The following SF1 variants were observed in gnomAD, a reference collection of about 807,000 sequenced individuals.
SF1 encodes branch point-binding protein.
In SF1, 7 loss-of-function variants were observed where a neutral mutation model predicts 62.5. The observed-to-expected ratio is 0.11, with a 90% CI of 0.06 to 0.21. SF1 has a LOEUF of 0.21. Ranked by LOEUF, SF1 falls within the 10% of genes least tolerant of loss-of-function variation. The pLI is 1.00. For synonymous variants in SF1, 394 were observed against 323.6 expected (o/e 1.22, Z -2.33); for missense variants, 578 against 884.0 (o/e 0.65, Z 4.39).
chr11:64,766,370 G>A, intron 12 of SF1: 1 of 587,394 alleles, frequency 1.7e-6, no homozygotes, highest in Non-Finnish European at 3.0e-6. Flanking sequence ...AACAGAGTAA[G>A]CCCTTTGTCA....
intron 3 of SF1, chr11:64,772,189 T>C (rs1455296418): frequency 2.0e-6 from 2 of 985,136 alleles, no homozygotes; most frequent in Non-Finnish European, 1.2e-6. Context: ...ATCCCAGTTA[T>C]CCAGGAAGCA....
rs757599355 is a variant in SF1, at chr11:64,767,232, C to T, written c.1362G>A (p.Thr454=). The change falls in exon 11 of 13, where the codon ACG becomes ACA. Residue 454 remains threonine (T), a synonymous_variant. Coordinates refer to ENST00000377390, the MANE Select transcript of SF1 (RefSeq NM_004630.4). ...PPPMDQYLGS[T]PVGSGVYRLH... is the part of the protein sequence containing the mutation. ...GGCGATAGACCCCAGAGCCCACAGG[C>T]GTACTTCCCAGGTACTGATCTTGAT... 5.0e-6 allele frequency: 8 copies of T among 1,613,946 alleles called. No individual in the cohort carries two copies. Among genetic ancestry groups the T allele is most frequent in the Non-Finnish European group, 5.1e-6 (6 of 1,179,962 alleles).
intron 9 of SF1, 97 bp downstream of exon 9, chr11:64,768,008 TC>T: frequency 6.9e-7 from 1 of 1,457,774 alleles, no homozygotes. Flanking sequence ...GCCATCCACA[TC>T]CATTGTCTGC....
intron 3 of SF1, chr11:64,771,671 T>C: frequency 2.0e-6 from 2 of 985,268 alleles, no homozygotes; most frequent in Non-Finnish European, 1.2e-6. Flanking sequence ...CCATTAAGAG[T>C]GAACAAAAGC....
intron 3 of SF1, chr11:64,771,440 T>C: frequency 2.0e-6 from 2 of 984,858 alleles, no homozygotes; most frequent in Non-Finnish European, 2.4e-6. Flanking sequence ...AAAAACATAC[T>C]GAAAGTAATC....
intron 12 of SF1, chr11:64,766,628 C>T (rs948724952): frequency 2.3e-5 from 10 of 430,770 alleles, no homozygotes; most frequent in African/African-American, 1.2e-4. Flanking sequence ...ACTCAGCCTG[C>T]GAGGGTCTGG....
At chr11:64,777,314 G>A (rs1939449717) in intron 1 of SF1, among the ~76,000 whole-genome samples, 2 of 152,086 alleles carry the variant, frequency 1.3e-5, no homozygotes, top group African/African-American at 2.4e-5. Flanking sequence ...CCACAAAAGA[G>A]TCCTTCTATT....
chr11:64,774,256 G>C lies in SF1; in HGVS notation c.161-751C>G, dbSNP rs146291190. On this transcript the variant is annotated intron_variant, in intron 2 of 12. Transcript: ENST00000377390. The stretch of plus-strand genomic sequence containing the variant: ...AGGCTCACTGTTCATATGGGGAGCA[G>C]GCGTGTAGAAGAATGGAATGTGTGT... Among the ~76,000 whole-genome samples, 349 of 152,340 alleles carry C rather than the reference G, an allele frequency of 2.3e-3. 1 individual carries two copies. The highest frequency in any genetic ancestry group is 3.9e-3 in the Non-Finnish European group (268 of 68,028).
rs773965992 is a variant in SF1, at chr11:64,770,071, G to A, written c.390-18C>T. On this transcript the variant is annotated intron_variant, in intron 4 of 12. Transcript: ENST00000377390. ...CTGGAGGTCTAAGAAAGAAAAGCCT[G>A]TGTCACCGCACATTTCTGGAGAATG... 2 of 1,602,950 alleles carry A rather than the reference G, an allele frequency of 1.2e-6. No individual in the cohort carries two copies. Among genetic ancestry groups the A allele is most frequent in the African/African-American group, 2.7e-5 (2 of 74,630 alleles).
Position 64,778,534 on chromosome 11 carries a change from G to A in SF1, c.-142C>T, listed in dbSNP as rs891857745. On this transcript the variant is annotated 5_prime_UTR_variant, in exon 1 of 13. Transcript: ENST00000377390. ...CTCACGCGGCGGGCGGCGGCGGCGCGAGACGCACAAAGAGGGAGGAGAGAG... is the reference window on the plus strand; with the variant it reads ...CTCACGCGGCGGGCGGCGGCGGCGCAAGACGCACAAAGAGGGAGGAGAGAG... The A allele has an allele frequency of 2.5e-6, 3 of 1,197,462 alleles. No individual in the cohort carries two copies. The highest frequency in any genetic ancestry group is 3.2e-5 in the African/African-American group (2 of 62,972). The allele number at this position is 1,197,462 out of a possible 1,614,324, so 74.2% of individuals were successfully genotyped here. A position where few individuals can be genotyped will look rare whatever the true frequency, so the allele number is the denominator to read the frequency against.
chr11:64,773,069 A>T, intron 3 of SF1: 1 of 1,123,292 alleles, frequency 8.9e-7, no homozygotes, highest in Non-Finnish European at 1.1e-6. Context: ...TGTACCTGTG[A>T]GAAAAACTCT....
intron 10 of SF1, 90 bp from the exon 11 acceptor site, chr11:64,767,341 G>C: frequency 2.3e-6 from 3 of 1,325,000 alleles, no homozygotes; most frequent in Admixed American, 1.7e-5. Context: ...CTATCCTTAC[G>C]CGAGTTCTGA....
At chr11:64,770,462 C>T (rs942415388) in intron 3 of SF1, 54 bp from the exon 4 acceptor site, 14 of 1,584,958 alleles carry the variant, frequency 8.8e-6, no homozygotes, top group Non-Finnish European at 1.0e-5. Context: ...CTCATTCCCA[C>T]ACGGACTATA....
chr11:64,778,542 C>T lies in SF1; in HGVS notation c.-150G>A, dbSNP rs1266661497. The T allele has an allele frequency of 5.1e-6, 6 of 1,181,842 alleles. No homozygotes were observed. Among genetic ancestry groups the T allele is most frequent in the Non-Finnish European group, 6.3e-6 (6 of 955,622 alleles). The allele number at this position is 1,181,842 out of a possible 1,614,324, so 73.2% of individuals were successfully genotyped here. ...GCGGGCGGCGGCGGCGCGAGACGCA[C>T]AAAGAGGGAGGAGAGAGGGCACCGC... On this transcript the variant is annotated 5_prime_UTR_variant, in exon 1 of 13. It adds an upstream start codon to the 5' untranslated region. Transcript: ENST00000377390.
intron 2 of SF1, 55 bp from the exon 3 acceptor site, chr11:64,773,560 C>A (rs1427305825): frequency 2.4e-5 from 38 of 1,562,020 alleles, no homozygotes; most frequent in Non-Finnish European, 3.2e-5. Flanking sequence ...GACAATGTTA[C>A]CAATAAACAT....
chr11:64,773,766 G>A (rs1490256143), intron 2 of SF1, among the ~76,000 whole-genome samples: 1 of 152,144 alleles, frequency 6.6e-6, no homozygotes, highest in African/African-American at 2.4e-5. Flanking sequence ...AATAAAGACT[G>A]TTCACTAAGG....
chr11:64,765,231 A>C lies in SF1; in HGVS notation c.*587T>G. The C allele has an allele frequency of 2.2e-6, 1 of 456,792 alleles. No homozygotes were observed. The highest frequency in any genetic ancestry group is 3.9e-6 in the Non-Finnish European group (1 of 254,462). The allele number at this position is 456,792 out of a possible 1,614,324, so 28.3% of individuals were successfully genotyped here. ...GGGAAGGAGAACTGGAGAGAAGGGA[A>C]AGGAATCTAAATTGCAGCAGAAGAC... On this transcript the variant is annotated 3_prime_UTR_variant, in exon 13 of 13. Transcript: ENST00000377390.
chr11:64,777,412 A>C, intron 1 of SF1: 1 of 768,950 alleles, frequency 1.3e-6, no homozygotes, highest in Non-Finnish European at 1.6e-6. Context: ...CATACTGAAC[A>C]GATTTAAAAA....
chr11:64,768,965 G>C (rs1449651014), intron 8 of SF1, 57 bp downstream of exon 8: 14 of 1,159,168 alleles, frequency 1.2e-5, no homozygotes, highest in Non-Finnish European at 9.1e-6. Context: ...GAATGTGCCA[G>C]AAAAGTTGTC....
Sources: allele counts gnomAD v4.1 joint callset (sites outside exome capture counted in the v4.1 genomes callset), GRCh38; gene constraint gnomAD v4.1.1; transcripts MANE v1.5; gene names NCBI Gene and HGNC (gene_info 2026-07-23, HGNC 2026-07-21).